The following ARHGAP19 variants were observed in gnomAD, a reference collection of about 807,000 sequenced individuals.
The protein encoded by ARHGAP19 is Rho GTPase activating protein 19.
In ARHGAP19, 48 loss-of-function variants were observed where a neutral mutation model predicts 60.9. The observed-to-expected ratio is 0.79, with a 90% CI of 0.62 to 1.00. The LOEUF is 1.00. Among genes scored for constraint, ARHGAP19 ranks in the 50% least tolerant of loss-of-function variants. The pLI is 0.00. For synonymous variants in ARHGAP19, 209 were observed against 215.5 expected (o/e 0.97, Z 0.27); for missense variants, 562 against 597.2 (o/e 0.94, Z 0.61).
chr10:97,287,040 C>T (rs538766185), intron 1 of ARHGAP19, among the ~76,000 whole-genome samples: 18 of 152,186 alleles, frequency 1.2e-4, no homozygotes, highest in African/African-American at 4.3e-4. Flanking sequence ...CTCCACCTCC[C>T]GAGCTCAAGT....
At chr10:97,267,345 G>A (rs906395865) in intron 1 of ARHGAP19, among the ~76,000 whole-genome samples, 1 of 152,232 alleles carries the variant, frequency 6.6e-6, no homozygotes, top group African/African-American at 2.4e-5. Context: ...CTGTCCCTGT[G>A]GCTTTGCTGG....
intron 4 of ARHGAP19, among the ~76,000 whole-genome samples, chr10:97,262,099 C>G (rs1842836648): frequency 1.3e-5 from 2 of 151,742 alleles, no homozygotes; most frequent in Admixed American, 1.3e-4. Context: ...TGCCTGCAAT[C>G]CTAGCACTTT....
At chr10:97,251,350 GAAA>G (rs1842653264) in intron 6 of ARHGAP19, among the ~76,000 whole-genome samples, 1 of 41,244 alleles carries the variant, frequency 2.4e-5, no homozygotes, top group Non-Finnish European at 4.5e-5. Context: ...AAGGGGGAGG[GAAA>G]GGAAAGGGGA....
At chr10:97,253,890 C>T (rs1842721873) in intron 6 of ARHGAP19, among the ~76,000 whole-genome samples, 1 of 152,138 alleles carries the variant, frequency 6.6e-6, no homozygotes. Context: ...GCATAGTATA[C>T]ATATAGGGTT....
At chr10:97,285,718 C>T (rs910407469) in intron 1 of ARHGAP19, among the ~76,000 whole-genome samples, 3 of 152,038 alleles carry the variant, frequency 2.0e-5, no homozygotes, top group African/African-American at 7.2e-5. Flanking sequence ...CAGGGTTTCA[C>T]CATGTTGGCC....
chr10:97,273,445 G>A (rs977071691), intron 1 of ARHGAP19, among the ~76,000 whole-genome samples: 3 of 149,584 alleles, frequency 2.0e-5, no homozygotes, highest in Non-Finnish European at 4.4e-5. Flanking sequence ...TTATAGGCAT[G>A]AGCCACCACG....
chr10:97,262,526 G>A (rs575487260), intron 4 of ARHGAP19, among the ~76,000 whole-genome samples: 63 of 152,194 alleles, frequency 4.1e-4, no homozygotes, highest in African/African-American at 1.3e-3. Flanking sequence ...TTAGCTAGGC[G>A]TGGTAGCGCG....
At chr10:97,238,902 C>T (rs1472931170) in intron 8 of ARHGAP19, among the ~76,000 whole-genome samples, 1 of 152,192 alleles carries the variant, frequency 6.6e-6, no homozygotes, top group Non-Finnish European at 1.5e-5. Flanking sequence ...ATGGTAACTG[C>T]CCTATACAGG....
chr10:97,272,888 T>G (rs914568915), intron 1 of ARHGAP19, among the ~76,000 whole-genome samples: 6 of 150,842 alleles, frequency 4.0e-5, no homozygotes, highest in African/African-American at 1.2e-4. Flanking sequence ...TCGCCCAGGC[T>G]GGAGTGCAGT....
At chr10:97,235,852 G>C (rs1407357623) in intron 8 of ARHGAP19, among the ~76,000 whole-genome samples, 2 of 152,142 alleles carry the variant, frequency 1.3e-5, no homozygotes, top group Non-Finnish European at 2.9e-5. Flanking sequence ...AGTGGAAAAC[G>C]AGAAGACCCA....
intron 6 of ARHGAP19, among the ~76,000 whole-genome samples, chr10:97,255,357 T>A (rs899805744): frequency 6.6e-6 from 1 of 152,114 alleles, no homozygotes; most frequent in Non-Finnish European, 1.5e-5. Context: ...GGCAGAAGGA[T>A]TGAACCCAGG....
chr10:97,234,000 C>T (rs1050372628), intron 9 of ARHGAP19, among the ~76,000 whole-genome samples: 1 of 151,998 alleles, frequency 6.6e-6, no homozygotes, highest in Admixed American at 6.6e-5. Context: ...GACGCAATGG[C>T]TTATGCCTGT....
At chr10:97,292,360 C>T (rs537289409) in intron 1 of ARHGAP19, among the ~76,000 whole-genome samples, 8 of 152,358 alleles carry the variant, frequency 5.3e-5, no homozygotes, top group Admixed American at 2.6e-4. Context: ...GGAGCCCCCT[C>T]GGGCACCGGC....
chr10:97,230,554 T>C (rs976634448), intron 9 of ARHGAP19, among the ~76,000 whole-genome samples: 1 of 152,212 alleles, frequency 6.6e-6, no homozygotes, highest in Non-Finnish European at 1.5e-5. Context: ...AAATTTTTTT[T>C]TCCCTTAGAG....
At chr10:97,256,447 A>C in intron 5 of ARHGAP19, 43 bp from the exon 6 acceptor site, 2 of 1,388,234 alleles carry the variant, frequency 1.4e-6, no homozygotes, top group Non-Finnish European at 2.1e-6. Context: ...ATTAAGAGCT[A>C]GAAAGTAGTA....
intron 3 of ARHGAP19, among the ~76,000 whole-genome samples, chr10:97,264,577 T>C (rs1165557596): frequency 6.6e-6 from 1 of 152,220 alleles, no homozygotes; most frequent in East Asian, 1.9e-4. Flanking sequence ...AGTGTCTCTC[T>C]GAGGCAAGAG....
At position 97,266,191 on chromosome 10, in the gene ARHGAP19, G is replaced by A. The variant is rs1842897693; in HGVS notation, c.57-66C>T. The A allele has an allele frequency of 1.9e-6, 3 of 1,573,432 alleles. No homozygotes were observed. In the South Asian group the frequency reaches 3.5e-5, roughly 18 times the overall value. ...GTATGTTTCTTATGCACTACTCATTGGGTTATTTGGTCCTGACTCCACGCA... is the reference window on the plus strand; with the variant it reads ...GTATGTTTCTTATGCACTACTCATTAGGTTATTTGGTCCTGACTCCACGCA... On this transcript the variant is annotated intron_variant, in intron 1 of 11. Coordinates refer to ENST00000358531, the MANE Select transcript of ARHGAP19 (RefSeq NM_032900.6).
intron 1 of ARHGAP19, among the ~76,000 whole-genome samples, chr10:97,278,752 T>A (rs1843049124): frequency 6.6e-6 from 1 of 150,730 alleles, no homozygotes; most frequent in African/African-American, 2.4e-5. Flanking sequence ...TACAGAAAAA[T>A]GAAATGCAAG....
rs949053951 is a variant in ARHGAP19 at position 97,235,103 on chromosome 10, C to T, written c.1284+114G>A. The T allele has an allele frequency of 4.3e-6, 4 of 937,158 alleles. No homozygotes were observed. The South Asian group carries it at 6.2e-5, about 15-fold the overall frequency. 58.1% of individuals were successfully genotyped at this position (937,158 alleles called of 1,614,324 possible). A position where few individuals can be genotyped will look rare whatever the true frequency, so the allele number is the denominator to read the frequency against. ...CATTTTGTCTTTACCCCCTTATAAACTAGCCCTTTATAGGGTCCCCAAAAA... is the reference window on the plus strand; with the variant it reads ...CATTTTGTCTTTACCCCCTTATAAATTAGCCCTTTATAGGGTCCCCAAAAA... On this transcript the variant is annotated intron_variant, in intron 9 of 11. Transcript: ENST00000358531.
Sources: allele counts gnomAD v4.1 joint callset (sites outside exome capture counted in the v4.1 genomes callset), GRCh38; gene constraint gnomAD v4.1.1; transcripts MANE v1.5; gene names NCBI Gene and HGNC (gene_info 2026-07-23, HGNC 2026-07-21).